Variants in WNT4 observed in about 807,000 individuals in gnomAD.
WNT4 encodes the protein protein Wnt-4.
WNT4 carries 16 observed loss-of-function variants against 34.5 expected under a neutral mutation model. That is an observed-to-expected ratio of 0.46 (90% CI 0.31 to 0.70). WNT4 has a LOEUF of 0.70. Among genes scored for constraint, WNT4 ranks in the 30% least tolerant of loss-of-function variants. The pLI is 0.04. For missense variants in WNT4, 379 were observed against 495.9 expected, an observed-to-expected ratio of 0.76 and a Z score of 2.24; for synonymous variants, 200 against 211.9, an observed-to-expected ratio of 0.94 and a Z score of 0.49.
chr1:22,135,303 T>A (rs1379943727), intron 1 of WNT4, among the ~76,000 whole-genome samples: 1 of 152,212 alleles, frequency 6.6e-6, no homozygotes, highest in Admixed American at 6.5e-5. Context: ...TAGGCAGGTG[T>A]CTTCCCCTCT....
At chr1:22,133,539 T>TGGGTG (rs1399305279) in intron 1 of WNT4, among the ~76,000 whole-genome samples, 1 of 152,202 alleles carries the variant, frequency 6.6e-6, no homozygotes, top group Non-Finnish European at 1.5e-5. Flanking sequence ...CAGGGCGTGA[T>TGGGTG]GGGTGGGCCG....
intron 1 of WNT4, among the ~76,000 whole-genome samples, chr1:22,135,245 A>G (rs1384710069): frequency 6.6e-6 from 1 of 152,220 alleles, no homozygotes; most frequent in Non-Finnish European, 1.5e-5. Flanking sequence ...TCTGCAATCA[A>G]TAGTCACGTG....
rs1570084193 is a variant in WNT4 at position 22,119,749 on chromosome 1, T to A, written c.*301A>T. ...TGTTACTCCACCTTAGGTCTGCAAG[T>A]AGAAAAACGGACACAGATAACAACT... On this transcript the variant is annotated 3_prime_UTR_variant, in exon 5 of 5. Coordinates refer to ENST00000290167, the MANE Select transcript of WNT4 (RefSeq NM_030761.5). 1 of 504,510 alleles carries A rather than the reference T, an allele frequency of 2.0e-6. No homozygotes were observed. The highest frequency in any genetic ancestry group is 3.6e-5 in the East Asian group (1 of 27,448). The allele number at this position is 504,510 out of a possible 1,614,324, so 31.3% of individuals were successfully genotyped here.
intron 1 of WNT4, among the ~76,000 whole-genome samples, chr1:22,130,625 G>A (rs1345870502): frequency 6.6e-6 from 1 of 152,270 alleles, no homozygotes; most frequent in Non-Finnish European, 1.5e-5. Flanking sequence ...TCTTGTTGAA[G>A]AAGGATAAAG....
chr1:22,118,547 T>G lies in WNT4; in HGVS notation c.*1503A>C, dbSNP rs1213775185. 6.6e-6 allele frequency: 1 copy of G among 152,306 alleles called. No individual in the cohort carries two copies. Among genetic ancestry groups the G allele is most frequent in the African/African-American group, 2.4e-5 (1 of 41,426 alleles). The allele number at this position is 152,306 out of a possible 1,614,324, so 9.4% of individuals were successfully genotyped here. On this transcript the variant is annotated 3_prime_UTR_variant, in exon 5 of 5. Transcript: ENST00000290167. ...TTGGGAAATCTTGCAGTACCTATGG[T>G]ACCTGGGACCCCAGGGACTCGGATG... is the stretch of plus-strand genomic sequence containing the variant.
chr1:22,122,433 C>T (rs941860950), intron 2 of WNT4, among the ~76,000 whole-genome samples: 9 of 152,104 alleles, frequency 5.9e-5, no homozygotes, highest in East Asian at 1.9e-4. Flanking sequence ...TTTTGGTGCC[C>T]GCCCTCGTCC....
At position 22,129,784 on chromosome 1, in the gene WNT4, G is replaced by A; in HGVS notation, c.145C>T (p.Leu49=). The A allele has an allele frequency of 6.2e-7, 1 of 1,614,086 alleles. No homozygotes were observed. Among genetic ancestry groups the A allele is most frequent in the Non-Finnish European group, 8.5e-7 (1 of 1,180,040 alleles). ...EEETCEKLKG[L]IQRQVQMCKR... is the part of the protein sequence containing the mutation. ...CACATCTGCACCTGCCTCTGGATCA[G>A]GCCCTTGAGTTTCTCGCACGTCTCC... The change falls in exon 2 of 5, where the codon CTG becomes TTG. Residue 49 remains leucine, a synonymous_variant. Coordinates refer to ENST00000290167, the MANE Select transcript of WNT4 (RefSeq NM_030761.5).
At chr1:22,132,144 T>TG (rs34446016) in intron 1 of WNT4, among the ~76,000 whole-genome samples, 14,956 of 152,160 alleles carry the variant, frequency 0.098, 868 homozygotes, top group Middle Eastern at 0.15. Flanking sequence ...TGTCCCTCGG[T>TG]GGGGGGACAA....
chr1:22,121,508 A>G lies in WNT4; in HGVS notation c.382T>C (p.Cys128Arg), dbSNP rs1397544632. The G allele has an allele frequency of 6.2e-7, 1 of 1,613,892 alleles. No individual in the cohort carries two copies. ...AGVAFAVTRA[C>R]SSGELEKCGC... Reference sequence around the variant, plus strand: ...CACTTCTCCAGCTCCCCACTGCTGCACGCCCGCGTCACTGCAAAGGCCACA... The same window carrying G: ...CACTTCTCCAGCTCCCCACTGCTGCGCGCCCGCGTCACTGCAAAGGCCACA... Residue 128 changes from cysteine (C) to arginine (R), a missense_variant, in exon 3 of 5, where the codon TGC (cysteine) becomes CGC (arginine). Around this residue, in one of 2 missense-constraint regions of WNT4, gnomAD observed 313 missense variants for 445.8 expected, o/e 0.70. Transcript: ENST00000290167.
At chr1:22,129,089 T>C (rs534821921) in intron 2 of WNT4, among the ~76,000 whole-genome samples, 150 of 152,338 alleles carry the variant, frequency 9.8e-4, no homozygotes, top group Non-Finnish European at 1.8e-3. Context: ...TTTCTGTGCA[T>C]CCCTGTATCT....
At position 22,140,320 on chromosome 1, in the gene WNT4, G is replaced by A; in HGVS notation, c.77+2526C>T. 1.0e-6 allele frequency: 1 copy of A among 971,876 alleles called. No individual in the cohort carries two copies. The highest frequency in any genetic ancestry group is 1.2e-6 in the Non-Finnish European group (1 of 817,502). The allele number at this position is 971,876 out of a possible 1,614,324, so 60.2% of individuals were successfully genotyped here. On this transcript the variant is annotated intron_variant, in intron 1 of 4. Coordinates refer to ENST00000290167, the MANE Select transcript of WNT4 (RefSeq NM_030761.5). This position sits in a 1 kb window ranked among gnomAD's most constrained non-coding sequence, Gnocchi z 5.9. ...GGCATTTACCAGCTGGGTGACTTGG[G>A]CAGTTACCTCTGCGATCCCCAATCT...
rs1304624471 is a variant in WNT4 at position 22,119,168 on chromosome 1, G to A, written c.*882C>T. ...CACAGCCCTTTCCTCCCTCTCTCTCGCAGGTGTGTGTGTGTGTCCGTGTGT... is the reference window on the plus strand; with the variant it reads ...CACAGCCCTTTCCTCCCTCTCTCTCACAGGTGTGTGTGTGTGTCCGTGTGT... On this transcript the variant is annotated 3_prime_UTR_variant, in exon 5 of 5. Coordinates refer to ENST00000290167, the MANE Select transcript of WNT4 (RefSeq NM_030761.5). The A allele has an allele frequency of 2.8e-5, 4 of 141,026 alleles. No homozygotes were observed. The highest frequency in any genetic ancestry group is 8.2e-5 in the African/African-American group (3 of 36,474). 8.7% of individuals were successfully genotyped at this position (141,026 alleles called of 1,614,324 possible).
At chr1:22,128,452 C>A (rs755792751) in intron 2 of WNT4, among the ~76,000 whole-genome samples, 21 of 152,236 alleles carry the variant, frequency 1.4e-4, no homozygotes, top group Admixed American at 4.6e-4. Context: ...CTGGAGGAGA[C>A]TTCCAGTTCC....
intron 2 of WNT4, chr1:22,127,576 T>G: frequency 2.3e-6 from 1 of 437,432 alleles, no homozygotes; most frequent in South Asian, 1.7e-5. Context: ...AGATACGCAT[T>G]TCAATCTAAA....
intron 1 of WNT4, among the ~76,000 whole-genome samples, chr1:22,135,846 C>T (rs1324974788): frequency 6.6e-6 from 1 of 152,178 alleles, no homozygotes; most frequent in Non-Finnish European, 1.5e-5. Flanking sequence ...ACGGCCTCCC[C>T]TGGAACCCAG....
Position 22,140,399 on chromosome 1 carries a change from G to T in WNT4, c.77+2447C>A. On this transcript the variant is annotated intron_variant, in intron 1 of 4. Transcript: ENST00000290167. The surrounding 1 kb of genome is among the most constrained non-coding windows in gnomAD (Gnocchi z 5.9). ...TTGGGATTTAGATCATGCTGTGGGA[G>T]TCATCATAATAATTATTATTGTCAT... 2 of 371,054 alleles carry T rather than the reference G, an allele frequency of 5.4e-6. No homozygotes were observed. Among genetic ancestry groups the T allele is most frequent in the Non-Finnish European group, 7.5e-6 (2 of 268,442 alleles). The allele number at this position is 371,054 out of a possible 1,614,324, so 23.0% of individuals were successfully genotyped here. A position where few individuals can be genotyped will look rare whatever the true frequency, so the allele number is the denominator to read the frequency against.
At position 22,128,206 on chromosome 1, in the gene WNT4, G is replaced by T. The variant is rs1645954866; in HGVS notation, c.313+1410C>A. 1.3e-5 allele frequency among the ~76,000 whole-genome samples: 2 copies of T among 152,344 alleles called. 1 individual carries two copies. Among genetic ancestry groups the T allele is most frequent in the South Asian group, 4.1e-4 (2 of 4,826 alleles). The stretch of plus-strand genomic sequence containing the variant: ...GAATGACTTCCAAATTTCTATCACA[G>T]TTGGTTTCTAGCAACATCCAAATGG... On this transcript the variant is annotated intron_variant, in intron 2 of 4. Transcript: ENST00000290167.
intron 2 of WNT4, 108 bp from the exon 3 acceptor site, chr1:22,121,684 A>G: frequency 6.6e-7 from 1 of 1,519,356 alleles, no homozygotes; most frequent in Non-Finnish European, 8.9e-7. Context: ...GGAGGCCAGG[A>G]GGGAGCAAGA....
At position 22,139,517 on chromosome 1, in the gene WNT4, C is replaced by T. The variant is rs1349062765; in HGVS notation, c.77+3329G>A. Among the ~76,000 whole-genome samples, 4 of 152,176 alleles carry T rather than the reference C, an allele frequency of 2.6e-5. No individual in the cohort carries two copies. Among genetic ancestry groups the T allele is most frequent in the Non-Finnish European group, 4.4e-5 (3 of 68,016 alleles). On this transcript the variant is annotated intron_variant, in intron 1 of 4. Coordinates refer to ENST00000290167, the MANE Select transcript of WNT4 (RefSeq NM_030761.5). This position sits in a 1 kb window ranked among gnomAD's most constrained non-coding sequence, Gnocchi z 4.6. Reference sequence around the variant, plus strand: ...TGCCTCTGAGTGCAGCGTGGTCCCCCTCCCCTCACCCGTGGGATTCTGCTA... The same window carrying T: ...TGCCTCTGAGTGCAGCGTGGTCCCCTTCCCCTCACCCGTGGGATTCTGCTA...
Sources: allele counts gnomAD v4.1 joint callset (sites outside exome capture counted in the v4.1 genomes callset), GRCh38; gene constraint gnomAD v4.1.1; regional missense constraint gnomAD v4.1.1; non-coding constraint Gnocchi (gnomAD v3.1); transcripts MANE v1.5; gene names NCBI Gene and HGNC (gene_info 2026-07-23, HGNC 2026-07-21).